Variants in LDLRAD4 observed in about 807,000 individuals in gnomAD.
LDLRAD4 encodes low density lipoprotein receptor class A domain containing 4.
Under a neutral mutation model 17.0 loss-of-function variants are expected in LDLRAD4, and 5 were observed. That is an observed-to-expected ratio of 0.29 (90% CI 0.15 to 0.62). The LOEUF (loss-of-function observed/expected upper bound fraction) is 0.62. Ranked by LOEUF, LDLRAD4 falls within the 20% of genes least tolerant of loss-of-function variation. The pLI is 0.84. For missense variants in LDLRAD4, 340 were observed against 424.7 expected, an observed-to-expected ratio of 0.80 and a Z score of 1.75; for synonymous variants, 168 against 171.8, an observed-to-expected ratio of 0.98 and a Z score of 0.17.
exon 2 of LDLRAD4, chr18:13,387,552 ACCGCCCGC>A: frequency 1.6e-6 from 1 of 610,264 alleles, no homozygotes. Flanking sequence ...ACACCCAGGT[ACCGCCCGC>A]CCGCGCGAGA....
At chr18:13,642,868 G>A in intron 4 of LDLRAD4, 2 of 544,798 alleles carry the variant, frequency 3.7e-6, no homozygotes, top group Non-Finnish European at 5.6e-6. Flanking sequence ...TCTGAAAAGG[G>A]ACGGGCTCTT....
At chr18:13,505,678 CGTG>C (rs1408446006) in intron 3 of LDLRAD4, among the ~76,000 whole-genome samples, 7 of 152,048 alleles carry the variant, frequency 4.6e-5, no homozygotes, top group African/African-American at 1.4e-4. Context: ...ATTACCCGGG[CGTG>C]GTGGTGGGCA....
chr18:13,446,794 C>T (rs1210339226), intron 3 of LDLRAD4, among the ~76,000 whole-genome samples: 1 of 152,276 alleles, frequency 6.6e-6, no homozygotes, highest in Non-Finnish European at 1.5e-5. Context: ...GCCTCAGCCA[C>T]ATGTGGGCTT....
chr18:13,496,706 G>C (rs562294118), intron 3 of LDLRAD4, among the ~76,000 whole-genome samples: 1 of 152,248 alleles, frequency 6.6e-6, no homozygotes, highest in East Asian at 1.9e-4. Flanking sequence ...CCCCATACTC[G>C]AGGTTAATAA....
intron 2 of LDLRAD4, among the ~76,000 whole-genome samples, chr18:13,395,273 A>G (rs1317289334): frequency 2.0e-5 from 3 of 151,094 alleles, no homozygotes; most frequent in Non-Finnish European, 2.9e-5. Context: ...GTCTTCTTTC[A>G]TAGTCTTCTT....
At chr18:13,352,563 G>T (rs2083106743) in intron 1 of LDLRAD4, among the ~76,000 whole-genome samples, 3 of 151,956 alleles carry the variant, frequency 2.0e-5, no homozygotes, top group Admixed American at 1.3e-4. Context: ...CTTGGTGTGG[G>T]TCTCTTTAGT....
chr18:13,367,732 G>C lies in LDLRAD4; in HGVS notation c.-382-19609G>C, dbSNP rs557435733. 1.3e-5 allele frequency among the ~76,000 whole-genome samples: 2 copies of C among 151,914 alleles called. No individual in the cohort carries two copies. Among genetic ancestry groups the C allele is most frequent in the Non-Finnish European group, 2.9e-5 (2 of 67,964 alleles). ...AGGGATATACCGAGAGGAGACAGCC[G>C]AGCCCGGGGGGCATGCACTGTCAAG... is the stretch of plus-strand genomic sequence containing the variant. On this transcript the variant is annotated intron_variant, in intron 1 of 5. Coordinates refer to ENST00000359446, the Ensembl canonical transcript of LDLRAD4. This position sits in a 1 kb window ranked among gnomAD's most constrained non-coding sequence, Gnocchi z 4.1.
intron 4 of LDLRAD4, among the ~76,000 whole-genome samples, chr18:13,639,138 A>G (rs924335030): frequency 2.0e-4 from 30 of 152,248 alleles, no homozygotes; most frequent in Non-Finnish European, 3.4e-4. Flanking sequence ...TTTGAGTGAT[A>G]CAACAATGTA....
Position 13,369,189 on chromosome 18 carries a change from G to T in LDLRAD4, c.-382-18152G>T, listed in dbSNP as rs76722071. 6.1e-3 allele frequency among the ~76,000 whole-genome samples: 923 copies of T among 152,310 alleles called. 9 individuals are homozygous for T. Among genetic ancestry groups the T allele is most frequent in the African/African-American group, 0.02 (849 of 41,562 alleles). ...AGGGGACGTGGGAACTGATCATAGC[G>T]ACCACTTACTCACCTTCTTAGGGTG... On this transcript the variant is annotated intron_variant, in intron 1 of 5. Transcript: ENST00000359446.
Position 13,622,598 on chromosome 18 carries a change from T to C in LDLRAD4, c.336+1327T>C, listed in dbSNP as rs1259480537. ...CAGCATCCTGGGGTCCTTTGTCTGGTGTCCACAGAGCTGCGCCATCCAGAC... is the reference window on the plus strand; with the variant it reads ...CAGCATCCTGGGGTCCTTTGTCTGGCGTCCACAGAGCTGCGCCATCCAGAC... On this transcript the variant is annotated intron_variant, in intron 4 of 5. Transcript: ENST00000359446. The surrounding 1 kb of genome is among the most constrained non-coding windows in gnomAD (Gnocchi z 5.3). Among the ~76,000 whole-genome samples, 1 of 152,190 alleles carries C rather than the reference T, an allele frequency of 6.6e-6. No individual in the cohort carries two copies. The highest frequency in any genetic ancestry group is 1.5e-5 in the Non-Finnish European group (1 of 68,034).
At chr18:13,235,310 T>A (rs904637194) in intron 1 of LDLRAD4, among the ~76,000 whole-genome samples, 2 of 152,248 alleles carry the variant, frequency 1.3e-5, no homozygotes, top group African/African-American at 4.8e-5. Flanking sequence ...ATGTAGATGC[T>A]TTCTCTTTAG....
At chr18:13,631,629 A>AT in intron 4 of LDLRAD4, among the ~76,000 whole-genome samples, 1 of 152,346 alleles carries the variant, frequency 6.6e-6, no homozygotes, top group South Asian at 2.1e-4. Flanking sequence ...TCAGCAGTAT[A>AT]TTAAAAGGGT....
At chr18:13,492,478 T>A (rs2093379532) in intron 3 of LDLRAD4, among the ~76,000 whole-genome samples, 1 of 152,214 alleles carries the variant, frequency 6.6e-6, no homozygotes, top group African/African-American at 2.4e-5. Context: ...GTGCGTTCAC[T>A]CTTCCTGCAG....
chr18:13,312,954 T>G (rs897925376), intron 1 of LDLRAD4, among the ~76,000 whole-genome samples: 3 of 152,176 alleles, frequency 2.0e-5, no homozygotes, highest in African/African-American at 7.2e-5. Flanking sequence ...GGTAAAATAT[T>G]GTAAAAATAA....
At chr18:13,307,657 G>A (rs1181777247) in intron 1 of LDLRAD4, among the ~76,000 whole-genome samples, 1 of 152,138 alleles carries the variant, frequency 6.6e-6, no homozygotes, top group Non-Finnish European at 1.5e-5. Context: ...GGCCTCAAGT[G>A]ATCCTCCCCC....
chr18:13,463,678 C>G (rs371968585), intron 3 of LDLRAD4, among the ~76,000 whole-genome samples: 9 of 152,156 alleles, frequency 5.9e-5, no homozygotes, highest in African/African-American at 2.2e-4. Context: ...AGTCACCCAA[C>G]AGCGTATAGC....
intron 2 of LDLRAD4, among the ~76,000 whole-genome samples, chr18:13,390,574 T>C (rs1240196266): frequency 6.6e-6 from 1 of 152,126 alleles, no homozygotes; most frequent in African/African-American, 2.4e-5. Context: ...TGGCTCACTT[T>C]AAAGTCTGGG....
At chr18:13,620,208 C>T (rs556921240) in intron 3 of LDLRAD4, among the ~76,000 whole-genome samples, 5 of 152,168 alleles carry the variant, frequency 3.3e-5, no homozygotes, top group East Asian at 1.9e-4. Context: ...AGCCCTGCTG[C>T]GGCACATGTA....
At chr18:13,620,953 C>G in intron 3 of LDLRAD4, 164 bp from the exon 5 acceptor site, 1 of 995,290 alleles carries the variant, frequency 1.0e-6, no homozygotes, top group Non-Finnish European at 1.5e-6. Flanking sequence ...CGTGGTGTCT[C>G]CTTCCCTAAA....
Sources: gnomAD v4.1 joint callset for allele counts (sites outside exome capture counted in the v4.1 genomes callset) on GRCh38, gnomAD v4.1.1 for gene constraint, Gnocchi (gnomAD v3.1) non-coding constraint, MANE v1.5 for transcripts, NCBI Gene and HGNC (gene_info 2026-07-23, HGNC 2026-07-21) for gene names.